The following KPNA6 variants were observed in gnomAD, a reference collection of about 807,000 sequenced individuals.
The protein encoded by KPNA6 is importin subunit alpha-7.
A neutral mutation model predicts 72.0 loss-of-function variants in KPNA6; 9 were observed. That is an observed-to-expected ratio of 0.13 (90% confidence interval 0.08 to 0.22). The LOEUF (loss-of-function observed/expected upper bound fraction) is 0.22. Among genes scored for constraint, KPNA6 ranks in the 10% least tolerant of loss-of-function variants. The pLI is 1.00. For synonymous variants in KPNA6, 219 were observed against 242.1 expected (o/e 0.90, Z 0.89); for missense variants, 374 against 655.7 (o/e 0.57, Z 4.69).
At chr1:32,168,311 TC>T (rs1642375394) in intron 12 of KPNA6, among the ~76,000 whole-genome samples, 1 of 152,210 alleles carries the variant, frequency 6.6e-6, no homozygotes, top group Non-Finnish European at 1.5e-5. Context: ...TGCTTTAGCC[TC>T]CTGAGTAGCT....
At chr1:32,135,795 A>T (rs1042461331) in intron 1 of KPNA6, among the ~76,000 whole-genome samples, 1 of 147,478 alleles carries the variant, frequency 6.8e-6, no homozygotes, top group African/African-American at 2.5e-5. Flanking sequence ...TTTTTTTTTT[A>T]GGATGATGAA....
chr1:32,147,619 C>A (rs186001794), intron 1 of KPNA6, among the ~76,000 whole-genome samples: 26 of 138,696 alleles, frequency 1.9e-4, no homozygotes, highest in Non-Finnish European at 2.2e-4. Context: ...CTTTCTTATT[C>A]TACTGCCTTC....
chr1:32,125,407 A>G (rs924692857), intron 1 of KPNA6, among the ~76,000 whole-genome samples: 27 of 152,212 alleles, frequency 1.8e-4, no homozygotes, highest in African/African-American at 6.5e-4. Context: ...ATAAAACATA[A>G]ATAACATTCA....
intron 1 of KPNA6, among the ~76,000 whole-genome samples, chr1:32,119,032 A>ATATTTTTTT (rs1167325052): frequency 2.5e-5 from 1 of 40,274 alleles, no homozygotes; most frequent in African/African-American, 1.0e-4. Flanking sequence ...ATATATATAT[A>ATATTTTTTT]TTTTTTTTTT....
At chr1:32,142,627 G>A (rs530702916) in intron 1 of KPNA6, among the ~76,000 whole-genome samples, 30 of 152,272 alleles carry the variant, frequency 2.0e-4, no homozygotes, top group African/African-American at 7.2e-4. Flanking sequence ...GAAATGAAAG[G>A]TGTGACTTCA....
At position 32,170,829 on chromosome 1, in the gene KPNA6, G is replaced by A. The variant is rs773466240; in HGVS notation, c.1546G>A (p.Asp516Asn). Residue 516 changes from aspartate (D) to asparagine (N), a missense_variant, in exon 14 of 14, where the codon GAT (aspartate) becomes AAT (asparagine). This residue lies in a region of KPNA6 where 42 missense variants were observed against 49.8 expected (regional missense o/e 0.84). Transcript: ENST00000373625. The part of the protein sequence containing the change: ...DDDSSLAPQV[D>N]ETQQQFIFQQ... ...TGATAGCAGCCTGGCTCCCCAAGTC[G>A]ATGAAACGCAACAGCAGTTCATCTT... 4.3e-6 allele frequency: 7 copies of A among 1,614,092 alleles called. No individual in the cohort carries two copies. The South Asian group carries it at 4.4e-5, about 10-fold the overall frequency.
intron 13 of KPNA6, 90 bp downstream of exon 13, chr1:32,170,150 T>TG: frequency 8.3e-7 from 1 of 1,211,596 alleles, no homozygotes; most frequent in African/African-American, 1.5e-5. Flanking sequence ...GAGTGTGGGT[T>TG]GGGAAGCATC....
At chr1:32,111,945 C>A (rs1464508626) in intron 1 of KPNA6, among the ~76,000 whole-genome samples, 1 of 152,166 alleles carries the variant, frequency 6.6e-6, no homozygotes, top group Non-Finnish European at 1.5e-5. Flanking sequence ...TGTCTTTTCA[C>A]CATTACTACT....
chr1:32,166,036 CA>C, intron 10 of KPNA6, 68 bp from the exon 11 acceptor site: 3 of 1,435,836 alleles, frequency 2.1e-6, no homozygotes, highest in East Asian at 2.6e-5. Context: ...ACAACAACAA[CA>C]AAAAAACATA....
At chr1:32,162,844 A>C (rs1455171325) in intron 9 of KPNA6, among the ~76,000 whole-genome samples, 5 of 147,334 alleles carry the variant, frequency 3.4e-5, no homozygotes, top group African/African-American at 1.3e-4. Flanking sequence ...CAAAGGAAAA[A>C]AAAGAATCCC....
intron 9 of KPNA6, 105 bp from the exon 10 acceptor site, chr1:32,163,130 A>G: frequency 1.4e-6 from 1 of 703,042 alleles, no homozygotes; most frequent in Admixed American, 2.7e-5. Context: ...AGAAAAAAAA[A>G]GGGTACAGGT....
Position 32,144,951 on chromosome 1 carries a change from C to CT in KPNA6, c.5-9621dup, listed in dbSNP as rs777173851. Among the ~76,000 whole-genome samples, 910 of 136,314 alleles carry CT rather than the reference C, an allele frequency of 6.7e-3. 4 individuals carry two copies. Among genetic ancestry groups the CT allele is most frequent in the African/African-American group, 0.013 (485 of 37,376 alleles). 89.4% of individuals were successfully genotyped at this position (136,314 alleles called of 152,430 possible). ...GTAAGCCACCGCGCCTGGCCTAAAA[C>CT]TTTTTTTTTTTTTTTTCTTGAGATG... On this transcript the variant is annotated intron_variant, in intron 1 of 13. Coordinates refer to ENST00000373625, the MANE Select transcript of KPNA6 (RefSeq NM_012316.5).
chr1:32,139,219 A>C lies in KPNA6; in HGVS notation c.5-15369A>C, dbSNP rs935221186. 2.4e-4 allele frequency among the ~76,000 whole-genome samples: 36 copies of C among 152,186 alleles called. 1 individual carries two copies. On this transcript the variant is annotated intron_variant, in intron 1 of 13. Transcript: ENST00000373625. ...CAACTCTGCCTTTGTGGAACTTAAC[A>C]TCCTATGGAGAGCAGATGGATTGGA...
intron 1 of KPNA6, among the ~76,000 whole-genome samples, chr1:32,150,125 G>GTTTTTTTTTT (rs1295389961): frequency 1.7e-5 from 2 of 119,606 alleles, no homozygotes; most frequent in African/African-American, 3.1e-5. Flanking sequence ...AAAATTTTTA[G>GTTTTTTTTTT]TCTTTTTTTT....
At position 32,108,063 on chromosome 1, in the gene KPNA6, C is replaced by G. The variant is rs1013643886; in HGVS notation, c.-68C>G. The G allele has an allele frequency of 3.7e-6, 6 of 1,612,008 alleles. No homozygotes were observed. Among genetic ancestry groups the G allele is most frequent in the Non-Finnish European group, 5.1e-6 (6 of 1,178,562 alleles). ...CCGTCCTACAGATCCGCCATATTGT[C>G]TACTGAAAGCTGCCGCTGAAGCTGC... is the stretch of plus-strand genomic sequence containing the variant. On this transcript the variant is annotated 5_prime_UTR_variant, in exon 1 of 14. Transcript: ENST00000373625.
At chr1:32,127,819 T>A (rs894431226) in intron 1 of KPNA6, among the ~76,000 whole-genome samples, 1 of 152,212 alleles carries the variant, frequency 6.6e-6, no homozygotes, top group Non-Finnish European at 1.5e-5. Flanking sequence ...GAGTTCTCAC[T>A]CTCACTCTCT....
chr1:32,129,697 AAGTGTGCACCACCATGCAC>A (rs1169036981), intron 1 of KPNA6, among the ~76,000 whole-genome samples: 1 of 152,156 alleles, frequency 6.6e-6, no homozygotes, highest in African/African-American at 2.4e-5. Flanking sequence ...CTGGGACTAC[AAGTGTGCACCACCATGCAC>A]AGCCAATATT....
chr1:32,131,968 TA>T (rs1247672148), intron 1 of KPNA6, among the ~76,000 whole-genome samples: 2 of 151,448 alleles, frequency 1.3e-5, no homozygotes, highest in East Asian at 1.9e-4. Flanking sequence ...TTTATTTATT[TA>T]TTTATTTTTT....
chr1:32,118,015 C>G (rs973029613), intron 1 of KPNA6, among the ~76,000 whole-genome samples: 6 of 151,838 alleles, frequency 4.0e-5, no homozygotes, highest in Admixed American at 2.0e-4. Context: ...CCTCTGCCTC[C>G]CAGTTCAAAC....
Sources: allele counts gnomAD v4.1 joint callset (sites outside exome capture counted in the v4.1 genomes callset), GRCh38; gene constraint gnomAD v4.1.1; regional missense constraint gnomAD v4.1.1; transcripts MANE v1.5; gene names NCBI Gene and HGNC (gene_info 2026-07-23, HGNC 2026-07-21).